The following COL4A6 variants were observed in gnomAD, a reference collection of about 807,000 sequenced individuals.
The protein encoded by COL4A6 is collagen type IV alpha 6 chain.
COL4A6 carries 59 observed loss-of-function variants against 126.7 expected under a neutral mutation model. The ratio of observed to expected loss-of-function variants is 0.47; its 90% CI spans 0.38 to 0.58. The LOEUF (loss-of-function observed/expected upper bound fraction) is 0.58. Ranked by LOEUF, COL4A6 falls within the 20% of genes least tolerant of loss-of-function variation. COL4A6 has a pLI of 0.00. For synonymous variants in COL4A6, 547 were observed against 496.6 expected, an observed-to-expected ratio of 1.10 and a Z score of -1.35; for missense variants, 1,285 against 1,337.3, an observed-to-expected ratio of 0.96 and a Z score of 0.61.
At chrX:108,397,811 A>G (rs776892804) in intron 2 of COL4A6, among the ~76,000 whole-genome samples, 71 of 111,862 alleles carry the variant, frequency 6.3e-4, no homozygotes, top group South Asian at 2.6e-3. Context: ...GTGCAAACAC[A>G]TCTTTCTATA....
chrX:108,311,421 TG>T (rs1331485460), intron 2 of COL4A6, among the ~76,000 whole-genome samples: 2 of 110,324 alleles, frequency 1.8e-5, no homozygotes, highest in Non-Finnish European at 1.9e-5. Context: ...GCCTCTCCTC[TG>T]ATTGATCGTG....
At chrX:108,425,744 A>ACACACACACACACACACACACC (rs1356926867) in intron 2 of COL4A6, among the ~76,000 whole-genome samples, 4 of 108,911 alleles carry the variant, frequency 3.7e-5, no homozygotes, top group Non-Finnish European at 7.6e-5. Context: ...ACACACACAC[A>ACACACACACACACACACACACC]CACACACACA....
chrX:108,301,349 GAGA>G (rs1387303858), intron 3 of COL4A6, among the ~76,000 whole-genome samples: 1 of 112,408 alleles, frequency 8.9e-6, no homozygotes, highest in Admixed American at 9.4e-5. Context: ...ACCTTTAAAA[GAGA>G]AGGATATTAG....
At chrX:108,411,183 A>C (rs1002861647) in intron 2 of COL4A6, among the ~76,000 whole-genome samples, 5 of 112,429 alleles carry the variant, frequency 4.4e-5, no homozygotes, top group Admixed American at 3.8e-4. Flanking sequence ...TCTTCTTTTA[A>C]AAATCTTGCC....
At chrX:108,202,172 C>T (rs2035407796) in intron 13 of COL4A6, among the ~76,000 whole-genome samples, 1 of 111,698 alleles carries the variant, frequency 9.0e-6, no homozygotes, top group African/African-American at 3.3e-5. Context: ...CCTTCTTGAC[C>T]ACTCTGTCCC....
At chrX:108,367,206 G>A (rs2040219371) in intron 2 of COL4A6, among the ~76,000 whole-genome samples, 1 of 112,003 alleles carries the variant, frequency 8.9e-6, no homozygotes, top group Non-Finnish European at 1.9e-5. Flanking sequence ...GTGGCCTTGG[G>A]CTAGTGCCTT....
intron 3 of COL4A6, among the ~76,000 whole-genome samples, chrX:108,283,054 G>A (rs1375389149): frequency 4.9e-5 from 5 of 102,372 alleles, no homozygotes; most frequent in Non-Finnish European, 9.9e-5. Context: ...GCTAAATGAC[G>A]AGTTAATGGG....
chrX:108,339,042 C>T (rs1479018882), intron 2 of COL4A6, among the ~76,000 whole-genome samples: 1 of 111,144 alleles, frequency 9.0e-6, no homozygotes, highest in Non-Finnish European at 1.9e-5. Context: ...TCTCTCCCTG[C>T]CAAAAAAAAT....
chrX:108,418,599 C>A, intron 2 of COL4A6, among the ~76,000 whole-genome samples: 1 of 112,008 alleles, frequency 8.9e-6, no homozygotes, highest in Non-Finnish European at 1.9e-5. Context: ...ATAAGTAAAA[C>A]TGGCTTTGAC....
intron 3 of COL4A6, among the ~76,000 whole-genome samples, chrX:108,283,591 G>C (rs1376669096): frequency 9.2e-6 from 1 of 108,702 alleles, no homozygotes; most frequent in Non-Finnish European, 1.9e-5. Context: ...TTTTTTTTGG[G>C]GGGGGGTTGG....
intron 2 of COL4A6, among the ~76,000 whole-genome samples, chrX:108,418,840 T>C (rs1481966170): frequency 8.9e-6 from 1 of 112,461 alleles, no homozygotes; most frequent in Non-Finnish European, 1.9e-5. Context: ...AACCCAATGA[T>C]GTATCCTTCC....
At position 108,430,317 on chromosome X, in the gene COL4A6, T is replaced by C. The variant is rs187170952; in HGVS notation, c.63+7625A>G. On this transcript the variant is annotated intron_variant, in intron 2 of 44. Transcript: ENST00000334504. ...GGAATGGTGAGAAGTTCAGTCTGAATGAAGTGTAATATACACCATGAGTTT... is the reference window on the plus strand; with the variant it reads ...GGAATGGTGAGAAGTTCAGTCTGAACGAAGTGTAATATACACCATGAGTTT... Among the ~76,000 whole-genome samples, 82 of 111,710 alleles carry C rather than the reference T, an allele frequency of 7.3e-4. No individual in the cohort carries two copies. The East Asian group carries it at 0.021, about 29-fold the overall frequency.
At chrX:108,182,716 C>T (rs1569337407) in intron 23 of COL4A6, among the ~76,000 whole-genome samples, 1 of 112,078 alleles carries the variant, frequency 8.9e-6, no homozygotes, top group African/African-American at 3.2e-5. Context: ...ACTCTCCTGC[C>T]CTCAACAATC....
rs182818894 is a variant in COL4A6, at chrX:108,405,201, G to T, written c.63+32741C>A. ...TTTGTTTTGTTTTGTTTTTGTTTTT[G>T]TTTTTTTTTTTCTTGAAGCGGAGTT... On this transcript the variant is annotated intron_variant, in intron 2 of 44. Transcript: ENST00000334504. Among the ~76,000 whole-genome samples the T allele has an allele frequency of 1.7e-3, 181 of 103,784 alleles. 3 individuals carry two copies. The East Asian group carries it at 0.043, about 25-fold the overall frequency. The allele number at this position is 103,784 out of a possible 115,157, so 90.1% of individuals were successfully genotyped here.
At chrX:108,395,895 C>G (rs949875481) in intron 2 of COL4A6, among the ~76,000 whole-genome samples, 1 of 111,160 alleles carries the variant, frequency 9.0e-6, no homozygotes. Flanking sequence ...GATTTTTGTT[C>G]TTCATATACC....
At chrX:108,351,792 A>C (rs2039854007) in intron 2 of COL4A6, among the ~76,000 whole-genome samples, 1 of 111,442 alleles carries the variant, frequency 9.0e-6, no homozygotes, top group Non-Finnish European at 1.9e-5. Flanking sequence ...AAAAACATCG[A>C]AGCTGTATCT....
At chrX:108,437,886 G>A (rs1003274352) in intron 2 of COL4A6, 56 bp downstream of exon 2, 1 of 1,170,962 alleles carries the variant, frequency 8.5e-7, no homozygotes. Context: ...CTAGAGATGG[G>A]GATGGTTAGA....
At chrX:108,270,219 A>G (rs1211931159) in intron 3 of COL4A6, among the ~76,000 whole-genome samples, 2 of 111,921 alleles carry the variant, frequency 1.8e-5, no homozygotes, top group African/African-American at 6.5e-5. Context: ...TACTGCCCCC[A>G]ATTCTTTGCC....
At chrX:108,343,801 G>T (rs1250985140) in intron 2 of COL4A6, among the ~76,000 whole-genome samples, 1 of 63,706 alleles carries the variant, frequency 1.6e-5, no homozygotes, top group Non-Finnish European at 2.8e-5. Flanking sequence ...AAGGCAAAAA[G>T]CCAAAAAAAA....
Sources: gnomAD v4.1 joint callset for allele counts (sites outside exome capture counted in the v4.1 genomes callset) on GRCh38, gnomAD v4.1.1 for gene constraint, MANE v1.5 for transcripts, NCBI Gene and HGNC (gene_info 2026-07-23, HGNC 2026-07-21) for gene names.